Variants in KNTC1 observed in about 807,000 individuals in gnomAD.
KNTC1 encodes the protein kinetochore associated 1.
In KNTC1, 253 loss-of-function variants were observed where a neutral mutation model predicts 314.4. That is an observed-to-expected ratio of 0.80 (90% CI 0.73 to 0.89). The LOEUF is 0.89. KNTC1 is among the 40% of genes least tolerant of loss of function. The pLI, the probability that KNTC1 is intolerant of heterozygous loss-of-function variation, is 0.00. For synonymous variants in KNTC1, 901 were observed against 901.4 expected (o/e 1.00, Z 0.01); for missense variants, 2,475 against 2,572.9 (o/e 0.96, Z 0.82).
At chr12:122,557,976 C>T (rs1464425481) in intron 18 of KNTC1, among the ~76,000 whole-genome samples, 1 of 152,180 alleles carries the variant, frequency 6.6e-6, no homozygotes, top group African/African-American at 2.4e-5. Flanking sequence ...CCAGACCGGA[C>T]GTGGTGGCTC....
chr12:122,576,002 T>G, intron 29 of KNTC1, 103 bp downstream of exon 29: 2 of 1,326,750 alleles, frequency 1.5e-6, no homozygotes, highest in Non-Finnish European at 2.0e-6. Flanking sequence ...GAGCTAGGTT[T>G]TTCCACTACA....
intron 57 of KNTC1, 69 bp downstream of exon 57, chr12:122,615,595 G>T: frequency 7.3e-7 from 1 of 1,364,848 alleles, no homozygotes; most frequent in South Asian, 1.4e-5. Context: ...TGACTGCTGG[G>T]GACACTGGAT....
intron 51 of KNTC1, among the ~76,000 whole-genome samples, chr12:122,606,853 T>C (rs1196316580): frequency 6.6e-6 from 1 of 152,176 alleles, no homozygotes; most frequent in African/African-American, 2.4e-5. Flanking sequence ...CTGAATATTT[T>C]AAAGGTGTAT....
At position 122,549,874 on chromosome 12, in the gene KNTC1, T is replaced by C; in HGVS notation, c.1086+10T>C. 1.4e-6 allele frequency: 2 copies of C among 1,431,938 alleles called. No homozygotes were observed. The highest frequency in any genetic ancestry group is 1.9e-6 in the Non-Finnish European group (2 of 1,031,676). The allele number at this position is 1,431,938 out of a possible 1,614,324, so 88.7% of individuals were successfully genotyped here. ...AACAGGAATTAGCACAGTAAGTTTA[T>C]TTGCATTTTAAAGTATTCTTTTAAC... On this transcript the variant is annotated intron_variant, in intron 13 of 63. Coordinates refer to ENST00000333479, the MANE Select transcript of KNTC1 (RefSeq NM_014708.6).
intron 12 of KNTC1, among the ~76,000 whole-genome samples, chr12:122,548,974 A>G (rs1962991295): frequency 6.6e-6 from 1 of 152,204 alleles, no homozygotes; most frequent in African/African-American, 2.4e-5. Flanking sequence ...TCTCAAAAAA[A>G]GTAAAATAAA....
In KNTC1 at chr12:122,585,000, T is replaced by C. The variant is rs1869021404; in HGVS notation, c.3534+10T>C. 1 of 1,518,868 alleles carries C rather than the reference T, an allele frequency of 6.6e-7. No homozygotes were observed. Among genetic ancestry groups the C allele is most frequent in the Non-Finnish European group, 9.1e-7 (1 of 1,098,370 alleles). The allele number at this position is 1,518,868 out of a possible 1,614,324, so 94.1% of individuals were successfully genotyped here. ...TGGAATCCTCATGAAAGTAAGTTAC[T>C]TTTGAGTTTTTTCCCTTAAATCCTG... On this transcript the variant is annotated intron_variant, in intron 36 of 63. Transcript: ENST00000333479.
intron 53 of KNTC1, among the ~76,000 whole-genome samples, chr12:122,612,426 T>C (rs374291157): frequency 7.1e-6 from 1 of 139,994 alleles, no homozygotes; most frequent in Non-Finnish European, 1.6e-5. Context: ...TTTTCTTTTT[T>C]TTTTTTTTGA....
chr12:122,571,969 GC>G (rs1046437494), intron 24 of KNTC1, among the ~76,000 whole-genome samples: 5 of 151,954 alleles, frequency 3.3e-5, no homozygotes, highest in Admixed American at 2.6e-4. Flanking sequence ...ACTGCTCCTG[GC>G]CCCCCTCCAC....
At chr12:122,553,607 C>T (rs780274078) in intron 16 of KNTC1, among the ~76,000 whole-genome samples, 1 of 151,982 alleles carries the variant, frequency 6.6e-6, no homozygotes, top group Non-Finnish European at 1.5e-5. Context: ...TGAGGAGTGG[C>T]CTACACTGCT....
intron 62 of KNTC1, 128 bp from the exon 63 acceptor site, chr12:122,624,470 G>A: frequency 3.5e-6 from 2 of 577,338 alleles, no homozygotes; most frequent in Non-Finnish European, 6.1e-6. Flanking sequence ...GCTTTGCCAT[G>A]TTGCCCAGGC....
intron 11 of KNTC1, 120 bp from the exon 12 acceptor site, chr12:122,547,795 G>A: frequency 1.6e-6 from 1 of 620,258 alleles, no homozygotes; most frequent in Non-Finnish European, 2.7e-6. Context: ...ATGGAAGAGT[G>A]TTACTTTAGT....
At chr12:122,572,595 G>A (rs1964769770) in intron 24 of KNTC1, among the ~76,000 whole-genome samples, 1 of 151,946 alleles carries the variant, frequency 6.6e-6, no homozygotes, top group Non-Finnish European at 1.5e-5. Flanking sequence ...GAAATGTTAT[G>A]CCTTTATATC....
Position 122,544,286 on chromosome 12 carries a change from A to G in KNTC1, c.669+17A>G. On this transcript the variant is annotated intron_variant, in intron 8 of 63. Transcript: ENST00000333479. ...ATAATTGGGGTAATTGTTTTTATAA[A>G]GTTTTGTTTTTTGTTGCCTAAAGCA... is the stretch of plus-strand genomic sequence containing the variant. 1 of 1,388,088 alleles carries G rather than the reference A, an allele frequency of 7.2e-7. No homozygotes were observed. The highest frequency in any genetic ancestry group is 1.3e-5 in the South Asian group (1 of 74,246). 86.0% of individuals were successfully genotyped at this position (1,388,088 alleles called of 1,614,324 possible). A position where few individuals can be genotyped will look rare whatever the true frequency, so the allele number is the denominator to read the frequency against.
intron 3 of KNTC1, among the ~76,000 whole-genome samples, chr12:122,537,962 G>A (rs1010900135): frequency 1.4e-5 from 2 of 146,540 alleles, no homozygotes; most frequent in Admixed American, 6.8e-5. Flanking sequence ...GCAAAACCTC[G>A]TCTGTACAAA....
intron 10 of KNTC1, among the ~76,000 whole-genome samples, chr12:122,546,909 T>G (rs113898550): frequency 4.6e-5 from 7 of 151,158 alleles, no homozygotes; most frequent in East Asian, 2.0e-4. Context: ...CTCGGCTCAC[T>G]GCAACCTCCA....
intron 5 of KNTC1, among the ~76,000 whole-genome samples, chr12:122,541,110 T>G (rs1275845031): frequency 6.6e-6 from 1 of 152,054 alleles, no homozygotes; most frequent in Non-Finnish European, 1.5e-5. Context: ...TGAGCTGCGA[T>G]CGCTGCACTG....
chr12:122,550,623 C>T (rs1963132898), intron 13 of KNTC1, among the ~76,000 whole-genome samples: 1 of 152,122 alleles, frequency 6.6e-6, no homozygotes, highest in African/African-American at 2.4e-5. Context: ...CTGCTTCAGC[C>T]TCCTGAGTAG....
intron 43 of KNTC1, among the ~76,000 whole-genome samples, chr12:122,595,592 C>G (rs903874742): frequency 2.0e-5 from 3 of 152,120 alleles, no homozygotes; most frequent in African/African-American, 7.2e-5. Flanking sequence ...CTGTCACCAT[C>G]TAGTACCTGT....
At position 122,585,713 on chromosome 12, in the gene KNTC1, T is replaced by G. The variant is rs1869175491; in HGVS notation, c.3612T>G (p.Leu1204=). 6.2e-7 allele frequency: 1 copy of G among 1,613,570 alleles called. No individual in the cohort carries two copies. The highest frequency in any genetic ancestry group is 1.1e-5 in the South Asian group (1 of 91,084). Residue 1204 remains leucine, a synonymous_variant, in exon 37 of 64, where the codon CTT becomes CTG. Coordinates refer to ENST00000333479, the MANE Select transcript of KNTC1 (RefSeq NM_014708.6). The part of the protein sequence containing the change: ...SDFFSEDGIV[L]ESQMVLPVIY... ...TCTTCAGTGAAGATGGAATTGTTCT[T>G]GAGTCACAGATGGTGCTTCCAGTGA...
Sources: gnomAD v4.1 joint callset for allele counts (sites outside exome capture counted in the v4.1 genomes callset) on GRCh38, gnomAD v4.1.1 for gene constraint, MANE v1.5 for transcripts, NCBI Gene and HGNC (gene_info 2026-07-23, HGNC 2026-07-21) for gene names.